CASS4: variants seen among roughly 807,000 people sequenced by gnomAD.
The protein encoded by CASS4 is Cas scaffold protein family member 4.
CASS4 carries 22 observed loss-of-function variants against 54.2 expected under a neutral mutation model. The ratio of observed to expected loss-of-function variants is 0.41; its 90% CI spans 0.29 to 0.58. The LOEUF (loss-of-function observed/expected upper bound fraction) is 0.58, where lower values mean the gene tolerates loss of function less well. Ranked by LOEUF, CASS4 falls within the 20% of genes least tolerant of loss-of-function variation. The probability of loss-of-function intolerance (pLI) is 0.36; values close to 1 mark genes in which losing one functional copy is unlikely to be tolerated. For synonymous variants in CASS4, 409 were observed against 391.5 expected (o/e 1.04, Z -0.53); for missense variants, 854 against 986.7 (o/e 0.87, Z 1.80).
At chr20:56,431,103 A>C (rs2146274507) in intron 1 of CASS4, among the ~76,000 whole-genome samples, 1 of 152,266 alleles carries the variant, frequency 6.6e-6, no homozygotes, top group Non-Finnish European at 1.5e-5. Flanking sequence ...GTGAGGAACC[A>C]ATTAGAATTT....
chr20:56,441,519 C>T lies in CASS4; in HGVS notation c.459+3933C>T, dbSNP rs191027043. On this transcript the variant is annotated intron_variant, in intron 2 of 5. Transcript: ENST00000679887. ...ACTCAGAAGGCTGAGGCAGGAGAAT[C>T]GCTTGAACCCGGGAAGTGGAAGTTG... Among the ~76,000 whole-genome samples, 1,205 of 152,090 alleles carry T rather than the reference C, an allele frequency of 7.9e-3. 19 individuals carry two copies. Among genetic ancestry groups the T allele is most frequent in the African/African-American group, 0.028 (1,162 of 41,494 alleles).
chr20:56,452,016 C>T lies in CASS4; in HGVS notation c.840C>T (p.Tyr280=). The T allele has an allele frequency of 1.2e-6, 2 of 1,614,218 alleles. No homozygotes were observed. The highest frequency in any genetic ancestry group is 1.7e-6 in the Non-Finnish European group (2 of 1,180,040). ...HALPSSSSTF[Y]NPPSGRSRSL... is the part of the protein sequence containing the mutation. ...TCCCCAGTTCCAGCTCCACTTTCTA[C>T]AATCCTCCAAGTGGCAGATCCAGGT... The change falls in exon 5 of 6, where the codon TAC becomes TAT. Residue 280 remains tyrosine, a synonymous_variant. Coordinates refer to ENST00000679887, the MANE Select transcript of CASS4 (RefSeq NM_020356.4).
chr20:56,447,582 C>T lies in CASS4; in HGVS notation c.561+1581C>T, dbSNP rs528095779. Among the ~76,000 whole-genome samples, 230 of 152,346 alleles carry T rather than the reference C, an allele frequency of 1.5e-3. 1 individual carries two copies. The highest frequency in any genetic ancestry group is 5.4e-3 in the African/African-American group (226 of 41,576). The stretch of plus-strand genomic sequence containing the variant: ...CTGGGGTATTCCTGTAAGTGCCCCC[C>T]ACCTCCTACCCCTCACCTCCTTGCT... On this transcript the variant is annotated intron_variant, in intron 3 of 5. Transcript: ENST00000679887.
intron 2 of CASS4, among the ~76,000 whole-genome samples, chr20:56,441,472 G>A (rs948914161): frequency 1.3e-5 from 2 of 151,920 alleles, no homozygotes; most frequent in African/African-American, 4.8e-5. Context: ...ATGTGTGGTG[G>A]TATGCATCTG....
At chr20:56,446,068 C>A in intron 3 of CASS4, 67 bp downstream of exon 3, 1 of 1,044,066 alleles carries the variant, frequency 9.6e-7, no homozygotes, top group Non-Finnish European at 1.4e-6. Context: ...TTCTTGGGAT[C>A]ATGCCCACAT....
intron 1 of CASS4, among the ~76,000 whole-genome samples, chr20:56,436,743 C>T (rs1051462497): frequency 2.0e-5 from 3 of 151,910 alleles, no homozygotes; most frequent in African/African-American, 4.8e-5. Flanking sequence ...AAAATTTAGC[C>T]CGGGGTGGCG....
At position 56,437,710 on chromosome 20, in the gene CASS4, G is replaced by T. The variant is rs183372958; in HGVS notation, c.459+124G>T. 867 of 902,288 alleles carry T rather than the reference G, an allele frequency of 9.6e-4. 4 individuals carry two copies. The highest frequency in any genetic ancestry group is 8.8e-3 in the African/African-American group (520 of 59,042). 55.9% of individuals were successfully genotyped at this position (902,288 alleles called of 1,614,324 possible). A position where few individuals can be genotyped will look rare whatever the true frequency, so the allele number is the denominator to read the frequency against. On this transcript the variant is annotated intron_variant, in intron 2 of 5. Coordinates refer to ENST00000679887, the MANE Select transcript of CASS4 (RefSeq NM_020356.4). This position sits in a 1 kb window ranked among gnomAD's most constrained non-coding sequence, Gnocchi z 4.7. ...CGCAAAACGGGAGCCCAGATTGCTG[G>T]CAATCACGCTCGGGGAGCTTGTGTG...
In CASS4 at chr20:56,452,998, T is replaced by C. The variant is rs536126976; in HGVS notation, c.1822T>C (p.Cys608Arg). The change falls in exon 5 of 6, where the codon TGT (cysteine) becomes CGT (arginine). Residue 608 changes from cysteine (C) to arginine (R), a missense_variant. Cys to Arg is a radical substitution (Grantham distance 180). Transcript: ENST00000679887. ...GTTGACCCCAAATGCAGAATTTAAG[T>C]GTGAAAAATACATCCAGCCTCCCCA... ...VQLTPNAEFK[C>R]EKYIQPPQRE... 1 of 1,613,966 alleles carries C rather than the reference T, an allele frequency of 6.2e-7. No individual in the cohort carries two copies. The highest frequency in any genetic ancestry group is 8.5e-7 in the Non-Finnish European group (1 of 1,179,996).
chr20:56,447,639 G>A (rs551567675), intron 3 of CASS4, among the ~76,000 whole-genome samples: 69 of 152,308 alleles, frequency 4.5e-4, no homozygotes, highest in Middle Eastern at 3.4e-3. Context: ...CCCTCCAGGT[G>A]GACAAATGCA....
upstream of CASS4, chr20:56,412,127 T>C (rs757375015): frequency 2.0e-5 from 7 of 356,562 alleles, no homozygotes; most frequent in South Asian, 7.9e-5. This position sits in a 1 kb window ranked among gnomAD's most constrained non-coding sequence, Gnocchi z 4.2. Context: ...GTGGTGTTTT[T>C]TTCTTCTTCT....
chr20:56,443,394 G>A (rs1455653305), intron 2 of CASS4, among the ~76,000 whole-genome samples: 1 of 149,244 alleles, frequency 6.7e-6, no homozygotes, highest in South Asian at 2.1e-4. Context: ...GCTTGAACCC[G>A]GGAGGTGGAG....
chr20:56,425,766 T>G lies in CASS4; in HGVS notation c.37-11398T>G, dbSNP rs540791104. Among the ~76,000 whole-genome samples, 8 of 152,322 alleles carry G rather than the reference T, an allele frequency of 5.3e-5. No individual in the cohort carries two copies. The South Asian group carries it at 1.7e-3, about 32-fold the overall frequency. ...TACACATGGTTTTAGGAATTCCAAC[T>G]GTACAAATGAACATGGACTCAAAGT... On this transcript the variant is annotated intron_variant, in intron 1 of 5. Transcript: ENST00000679887.
rs1203326514 is a variant in CASS4 at position 56,459,359 on chromosome 20, G to C, written c.*612G>C. 4.8e-6 allele frequency: 1 copy of C among 210,526 alleles called. No homozygotes were observed. Among genetic ancestry groups the C allele is most frequent in the African/African-American group, 2.3e-5 (1 of 42,678 alleles). The allele number at this position is 210,526 out of a possible 1,614,324, so 13.0% of individuals were successfully genotyped here. On this transcript the variant is annotated 3_prime_UTR_variant, in exon 6 of 6. Transcript: ENST00000679887. ...TCTCCAGAGAGCGGTGACATTTTCA[G>C]CTTGATGTGGTAACATGACTGTGAC...
intron 1 of CASS4, among the ~76,000 whole-genome samples, chr20:56,417,730 C>A (rs1222646604): frequency 6.6e-6 from 1 of 152,206 alleles, no homozygotes; most frequent in Non-Finnish European, 1.5e-5. Context: ...AGGATAGGAA[C>A]AGCACTACTT....
chr20:56,415,484 T>C (rs1254952717), intron 1 of CASS4, among the ~76,000 whole-genome samples: 1 of 152,234 alleles, frequency 6.6e-6, no homozygotes, highest in Non-Finnish European at 1.5e-5. Context: ...AAATAGGAGC[T>C]GTAAGTAAAG....
chr20:56,418,477 G>A lies in CASS4; in HGVS notation c.36+5983G>A, dbSNP rs146635153. On this transcript the variant is annotated intron_variant, in intron 1 of 5. Coordinates refer to ENST00000679887, the MANE Select transcript of CASS4 (RefSeq NM_020356.4). ...CACCAGCCCACTTAAAGCAGGAGATGACATGATCTAATTTATGTTTTCTAG... is the reference window on the plus strand; with the variant it reads ...CACCAGCCCACTTAAAGCAGGAGATAACATGATCTAATTTATGTTTTCTAG... 1.8e-4 allele frequency among the ~76,000 whole-genome samples: 28 copies of A among 152,286 alleles called. No homozygotes were observed. In the East Asian group the frequency reaches 4.8e-3, roughly 26 times the overall value.
intron 1 of CASS4, among the ~76,000 whole-genome samples, chr20:56,413,161 A>G (rs1250758770): frequency 6.7e-6 from 1 of 149,892 alleles, no homozygotes; most frequent in Non-Finnish European, 1.5e-5. Flanking sequence ...ACATAGCGAG[A>G]CCCCATCTTA....
rs1978915770 is a variant in CASS4 at position 56,412,377 on chromosome 20, C to T, written c.-82C>T. The T allele has an allele frequency of 1.4e-6, 2 of 1,430,906 alleles. No homozygotes were observed. Among genetic ancestry groups the T allele is most frequent in the Admixed American group, 1.8e-5 (1 of 54,942 alleles). 88.6% of individuals were successfully genotyped at this position (1,430,906 alleles called of 1,614,324 possible). On this transcript the variant is annotated 5_prime_UTR_variant, in exon 1 of 6. Coordinates refer to ENST00000679887, the MANE Select transcript of CASS4 (RefSeq NM_020356.4). This position sits in a 1 kb window ranked among gnomAD's most constrained non-coding sequence, Gnocchi z 4.2. Reference sequence around the variant, plus strand: ...TCAGTTTCTGAGAACCAGCCAGAAGCATGCAGTGACATTGCACAATCTGCC... The same window carrying T: ...TCAGTTTCTGAGAACCAGCCAGAAGTATGCAGTGACATTGCACAATCTGCC...
chr20:56,442,757 C>T (rs756676506), intron 2 of CASS4, among the ~76,000 whole-genome samples: 7 of 151,772 alleles, frequency 4.6e-5, no homozygotes, highest in South Asian at 4.1e-4. Context: ...GTCAGATTTC[C>T]TGGTGAAACT....
Sources: allele counts gnomAD v4.1 joint callset (sites outside exome capture counted in the v4.1 genomes callset), GRCh38; gene constraint gnomAD v4.1.1; non-coding constraint Gnocchi (gnomAD v3.1); transcripts MANE v1.5; gene names NCBI Gene and HGNC (gene_info 2026-07-23, HGNC 2026-07-21).